Variants in CERS6 observed in about 807,000 individuals in gnomAD.
CERS6 encodes ceramide synthase 6, also known as LAG1 homolog, ceramide synthase 6.
A neutral mutation model predicts 56.8 loss-of-function variants in CERS6; 26 were observed. The observed-to-expected ratio is 0.46, with a 90% CI of 0.34 to 0.63. The LOEUF (loss-of-function observed/expected upper bound fraction) is 0.63. Among genes scored for constraint, CERS6 ranks in the 30% least tolerant of loss-of-function variants. The pLI is 0.01. For missense variants in CERS6, 415 were observed against 467.5 expected (o/e 0.89, Z 1.04); for synonymous variants, 164 against 173.3 (o/e 0.95, Z 0.42).
intron 4 of CERS6, among the ~76,000 whole-genome samples, chr2:168,641,484 G>A (rs1355459999): frequency 1.3e-5 from 2 of 152,108 alleles, no homozygotes; most frequent in Admixed American, 6.5e-5. Context: ...CTGGATGCAT[G>A]GCTTCCTCAG....
chr2:168,550,850 A>G (rs368743162), intron 2 of CERS6, among the ~76,000 whole-genome samples: 1 of 151,646 alleles, frequency 6.6e-6, no homozygotes, highest in Non-Finnish European at 1.5e-5. Context: ...TCGATCCCCC[A>G]CTCTCTGTGT....
At position 168,700,235 on chromosome 2, in the gene CERS6, G is replaced by A. The variant is rs141020643; in HGVS notation, c.609+5184G>A. On this transcript the variant is annotated intron_variant, in intron 6 of 9. Transcript: ENST00000305747. ...CGGAGAATAACTGGAGCCCATTACT[G>A]TAAGTGCTTTAGATGCCTTTGGGGG... Among the ~76,000 whole-genome samples the A allele has an allele frequency of 4.4e-4, 67 of 152,356 alleles. 1 individual carries two copies. The East Asian group carries it at 0.012, about 28-fold the overall frequency.
At chr2:168,561,126 G>A (rs756112491) in intron 2 of CERS6, 66 bp from the exon 3 acceptor site, 8 of 1,542,728 alleles carry the variant, frequency 5.2e-6, no homozygotes, top group Non-Finnish European at 7.1e-6. Context: ...ATAGACAAGG[G>A]CAGATCTGTT....
At chr2:168,608,303 T>C (rs1684101706) in intron 3 of CERS6, among the ~76,000 whole-genome samples, 1 of 152,236 alleles carries the variant, frequency 6.6e-6, no homozygotes, top group African/African-American at 2.4e-5. Context: ...GCTTTTTGGC[T>C]ACTATGAATA....
intron 5 of CERS6, among the ~76,000 whole-genome samples, chr2:168,691,792 C>T (rs1183204759): frequency 6.6e-6 from 1 of 152,180 alleles, no homozygotes; most frequent in African/African-American, 2.4e-5. Context: ...ATTTCTATAA[C>T]TCCATGTTCA....
intron 8 of CERS6, among the ~76,000 whole-genome samples, chr2:168,733,179 G>A (rs1319286829): frequency 2.0e-5 from 3 of 152,132 alleles, no homozygotes; most frequent in African/African-American, 7.2e-5. Context: ...TGAGATTTCA[G>A]ACAAAACAGC....
chr2:168,720,395 G>C lies in CERS6; in HGVS notation c.845+2417G>C, dbSNP rs1478321855. On this transcript the variant is annotated intron_variant, in intron 8 of 9. Coordinates refer to ENST00000305747, the MANE Select transcript of CERS6 (RefSeq NM_203463.3). Reference sequence around the variant, plus strand: ...AGTGCTCAGTAGCCACACGTGCCTAGCTTATTGGACAGTGCATTTCCAGAA... The same window carrying C: ...AGTGCTCAGTAGCCACACGTGCCTACCTTATTGGACAGTGCATTTCCAGAA... Among the ~76,000 whole-genome samples, 5 of 152,138 alleles carry C rather than the reference G, an allele frequency of 3.3e-5. No individual in the cohort carries two copies. The East Asian group carries it at 9.6e-4, about 29-fold the overall frequency.
chr2:168,467,287 C>T (rs1202038026), intron 1 of CERS6, among the ~76,000 whole-genome samples: 1 of 152,152 alleles, frequency 6.6e-6, no homozygotes, highest in African/African-American at 2.4e-5. Flanking sequence ...TTTAATAGCT[C>T]ACCATTTCAA....
intron 6 of CERS6, among the ~76,000 whole-genome samples, chr2:168,713,120 G>A (rs1374337871): frequency 6.6e-6 from 1 of 151,812 alleles, no homozygotes; most frequent in Non-Finnish European, 1.5e-5. Context: ...TCAAAGCCTA[G>A]AACTGTCTAG....
chr2:168,675,466 G>T (rs1404916389), intron 4 of CERS6, among the ~76,000 whole-genome samples: 8 of 152,006 alleles, frequency 5.3e-5, no homozygotes, highest in Non-Finnish European at 1.0e-4. Flanking sequence ...TGCACGTGTA[G>T]TTCCAGCTAC....
At chr2:168,569,338 A>G (rs1253080417) in intron 3 of CERS6, among the ~76,000 whole-genome samples, 1 of 152,190 alleles carries the variant, frequency 6.6e-6, no homozygotes, top group Non-Finnish European at 1.5e-5. Flanking sequence ...TAGGGCTTCA[A>G]CGTATGTGTT....
chr2:168,463,321 A>G (rs1693810179), intron 1 of CERS6, among the ~76,000 whole-genome samples: 2 of 152,238 alleles, frequency 1.3e-5, no homozygotes, highest in Admixed American at 6.5e-5. Context: ...TTTCCATGTA[A>G]TTGAACTTAT....
intron 6 of CERS6, among the ~76,000 whole-genome samples, chr2:168,709,678 T>C (rs79207957): frequency 0.017 from 2,519 of 152,246 alleles, 72 homozygotes; most frequent in African/African-American, 0.058. Context: ...ATTGCAGTTA[T>C]AGAAAATGCA....
chr2:168,472,075 A>G (rs1482676946), intron 1 of CERS6, among the ~76,000 whole-genome samples: 2 of 152,176 alleles, frequency 1.3e-5, no homozygotes, highest in African/African-American at 4.8e-5. Context: ...CATCTTGGAG[A>G]AACGCTGATT....
At chr2:168,659,703 T>G (rs1041550688) in intron 4 of CERS6, among the ~76,000 whole-genome samples, 1 of 152,138 alleles carries the variant, frequency 6.6e-6, no homozygotes, top group African/African-American at 2.4e-5. Flanking sequence ...TTTTGTTTTT[T>G]TTTTAATCAC....
At chr2:168,731,699 T>C (rs1683539371) in intron 8 of CERS6, among the ~76,000 whole-genome samples, 1 of 152,148 alleles carries the variant, frequency 6.6e-6, no homozygotes, top group Non-Finnish European at 1.5e-5. Context: ...CGATTTTAAA[T>C]TCTGCATGAG....
At chr2:168,470,521 G>A (rs1200975512) in intron 1 of CERS6, among the ~76,000 whole-genome samples, 1 of 152,298 alleles carries the variant, frequency 6.6e-6, no homozygotes, top group East Asian at 1.9e-4. Context: ...TCTGAGGGCA[G>A]AACTGTGTCT....
intron 8 of CERS6, among the ~76,000 whole-genome samples, chr2:168,745,247 A>AGTTT (rs1553515623): frequency 6.7e-6 from 1 of 149,790 alleles, no homozygotes; most frequent in African/African-American, 2.5e-5. Context: ...CAGTTTAAAA[A>AGTTT]TTTTTTTTTT....
chr2:168,706,673 A>T (rs1286835820), intron 6 of CERS6, among the ~76,000 whole-genome samples: 1 of 152,224 alleles, frequency 6.6e-6, no homozygotes, highest in Non-Finnish European at 1.5e-5. Flanking sequence ...AATGGATTAC[A>T]TCCGGACAGC....
Sources: allele counts gnomAD v4.1 joint callset (sites outside exome capture counted in the v4.1 genomes callset), GRCh38; gene constraint gnomAD v4.1.1; transcripts MANE v1.5; gene names NCBI Gene and HGNC (gene_info 2026-07-23, HGNC 2026-07-21).